FGF1: variants seen among roughly 807,000 people sequenced by gnomAD.
The protein encoded by FGF1 is beta-endothelial cell growth factor.
Under a neutral mutation model 13.4 loss-of-function variants are expected in FGF1, and 9 were observed. That is an observed-to-expected ratio of 0.67 (90% CI 0.40 to 1.17). The LOEUF is 1.17. FGF1 is among the 50% of genes most tolerant of loss of function. The pLI, the probability that FGF1 is intolerant of heterozygous loss-of-function variation, is 0.01. For synonymous variants in FGF1, 93 were observed against 79.0 expected, an observed-to-expected ratio of 1.18 and a Z score of -0.94; for missense variants, 156 against 192.7, an observed-to-expected ratio of 0.81 and a Z score of 1.13.
At chr5:142,611,472 T>G (rs555012657) in intron 2 of FGF1, among the ~76,000 whole-genome samples, 2 of 152,338 alleles carry the variant, frequency 1.3e-5, no homozygotes, top group Non-Finnish European at 2.9e-5. Context: ...AGGAAAGGAC[T>G]GGAAGCGTCC....
intron 2 of FGF1, among the ~76,000 whole-genome samples, chr5:142,606,348 A>G (rs1191531412): frequency 1.3e-5 from 2 of 151,810 alleles, no homozygotes; most frequent in African/African-American, 4.8e-5. Context: ...CCTTGATGAA[A>G]ATCATATTAA....
intron 2 of FGF1, among the ~76,000 whole-genome samples, chr5:142,604,096 C>T (rs1757142021): frequency 6.6e-6 from 1 of 152,062 alleles, no homozygotes; most frequent in African/African-American, 2.4e-5. Flanking sequence ...TTCAGGGTAT[C>T]CAGGGCCAGG....
intron 1 of FGF1, among the ~76,000 whole-genome samples, chr5:142,623,769 G>A (rs1762026717): frequency 6.7e-6 from 1 of 148,220 alleles, no homozygotes; most frequent in African/African-American, 2.5e-5. Context: ...TTTGAGATAG[G>A]GTCTTGCTCT....
intron 1 of FGF1, among the ~76,000 whole-genome samples, chr5:142,664,355 C>T (rs567584677): frequency 5.3e-5 from 8 of 152,274 alleles, no homozygotes; most frequent in African/African-American, 1.9e-4. Flanking sequence ...TCCCTAGCGC[C>T]GTGTCACTGG....
intron 2 of FGF1, 77 bp from the exon 3 acceptor site, chr5:142,600,882 G>A (rs1469419759): frequency 2.2e-5 from 23 of 1,049,294 alleles, no homozygotes; most frequent in Non-Finnish European, 3.2e-5. Context: ...CAGGACAGTT[G>A]GCCATGGAAA....
chr5:142,628,504 C>T (rs902525157), intron 1 of FGF1, among the ~76,000 whole-genome samples: 16 of 152,174 alleles, frequency 1.1e-4, no homozygotes, highest in Admixed American at 2.0e-4. Flanking sequence ...AGCAAGACTC[C>T]GTCTCAAAAT....
chr5:142,599,247 C>T (rs1156451853), intron 3 of FGF1, among the ~76,000 whole-genome samples: 1 of 152,204 alleles, frequency 6.6e-6, no homozygotes, highest in Non-Finnish European at 1.5e-5. Context: ...TTAAAAAAAT[C>T]CCCTACTGCC....
intron 1 of FGF1, among the ~76,000 whole-genome samples, chr5:142,666,591 T>A (rs1415955615): frequency 6.6e-6 from 1 of 152,102 alleles, no homozygotes; most frequent in Non-Finnish European, 1.5e-5. Flanking sequence ...CAAAGTGGCA[T>A]ATAAAGATGT....
chr5:142,647,576 C>G (rs1362002481), intron 1 of FGF1, among the ~76,000 whole-genome samples: 1 of 152,204 alleles, frequency 6.6e-6, no homozygotes, highest in African/African-American at 2.4e-5. Context: ...CCACTCCACT[C>G]CTACCTGTTT....
At position 142,594,647 on chromosome 5, in the gene FGF1, C is replaced by A. The variant is rs1341331021; in HGVS notation, c.*643G>T. On this transcript the variant is annotated 3_prime_UTR_variant, in exon 4 of 4. Transcript: ENST00000337706. ...GGAAGGTCAAGGCGTGGTAATGACT[C>A]CCAAGGATTTATTCTGCCTTCCTGC... The A allele has an allele frequency of 6.6e-6, 1 of 152,274 alleles. No homozygotes were observed. The highest frequency in any genetic ancestry group is 2.4e-5 in the African/African-American group (1 of 41,440). 9.4% of individuals were successfully genotyped at this position (152,274 alleles called of 1,614,324 possible). A position where few individuals can be genotyped will look rare whatever the true frequency, so the allele number is the denominator to read the frequency against.
At chr5:142,629,582 C>A (rs2151922026) in intron 1 of FGF1, among the ~76,000 whole-genome samples, 1 of 152,274 alleles carries the variant, frequency 6.6e-6, no homozygotes, top group South Asian at 2.1e-4. Flanking sequence ...CTATCTCAGA[C>A]TGAAACATGT....
At chr5:142,673,767 C>T (rs1315896050) in intron 1 of FGF1, among the ~76,000 whole-genome samples, 1 of 152,164 alleles carries the variant, frequency 6.6e-6, no homozygotes, top group East Asian at 1.9e-4. Context: ...ACTCAGGGGT[C>T]CACCTTCTTT....
chr5:142,655,747 A>C (rs1056660418), intron 1 of FGF1, among the ~76,000 whole-genome samples: 1 of 152,252 alleles, frequency 6.6e-6, no homozygotes, highest in East Asian at 1.9e-4. Flanking sequence ...ACAGCAGAAG[A>C]AGCTGAAGGA....
At position 142,592,677 on chromosome 5, in the gene FGF1, G is replaced by C; in HGVS notation, c.*2613C>G. 2 of 382,182 alleles carry C rather than the reference G, an allele frequency of 5.2e-6. No individual in the cohort carries two copies. The highest frequency in any genetic ancestry group is 9.3e-6 in the Non-Finnish European group (2 of 216,030). The allele number at this position is 382,182 out of a possible 1,614,324, so 23.7% of individuals were successfully genotyped here. A position where few individuals can be genotyped will look rare whatever the true frequency, so the allele number is the denominator to read the frequency against. On this transcript the variant is annotated 3_prime_UTR_variant, in exon 4 of 4. Transcript: ENST00000337706. Reference sequence around the variant, plus strand: ...GGAACTACCAACCTCTTCCTTCTAAGAAGATCTGACAGGCTCTTTGGCTGA... The same window carrying C: ...GGAACTACCAACCTCTTCCTTCTAACAAGATCTGACAGGCTCTTTGGCTGA...
intron 1 of FGF1, among the ~76,000 whole-genome samples, chr5:142,614,530 C>T (rs1759791889): frequency 1.3e-5 from 2 of 152,180 alleles, no homozygotes; most frequent in South Asian, 4.1e-4. Flanking sequence ...TAAAATAACA[C>T]CTAGGGTCTG....
Position 142,592,328 on chromosome 5 carries a change from T to C in FGF1, c.*2962A>G. On this transcript the variant is annotated 3_prime_UTR_variant, in exon 4 of 4. Coordinates refer to ENST00000337706, the MANE Select transcript of FGF1 (RefSeq NM_000800.5). ...CAGCAGTACACTCAAGGCTGAGGACTTGGCGCCTTGGGTTCCTTTGCCTCT... is the reference window on the plus strand; with the variant it reads ...CAGCAGTACACTCAAGGCTGAGGACCTGGCGCCTTGGGTTCCTTTGCCTCT... The C allele has an allele frequency of 2.5e-6, 1 of 398,604 alleles. No individual in the cohort carries two copies. Among genetic ancestry groups the C allele is most frequent in the Non-Finnish European group, 4.4e-6 (1 of 226,018 alleles). The allele number at this position is 398,604 out of a possible 1,614,324, so 24.7% of individuals were successfully genotyped here.
At chr5:142,633,898 C>A (rs1763789656) in intron 1 of FGF1, among the ~76,000 whole-genome samples, 1 of 152,106 alleles carries the variant, frequency 6.6e-6, no homozygotes, top group South Asian at 2.1e-4. Flanking sequence ...ATCAAGACCT[C>A]CCTCGGCTGG....
rs535107343 is a variant in FGF1 at position 142,694,183 on chromosome 5, C to A, written c.-35+3439G>T. Among the ~76,000 whole-genome samples, 3 of 151,626 alleles carry A rather than the reference C, an allele frequency of 2.0e-5. No homozygotes were observed. The South Asian group carries it at 6.3e-4, about 32-fold the overall frequency. On this transcript the variant is annotated intron_variant, in intron 2 of 4. Transcript: ENST00000407758. ...TATATGTATTCCCCCCCACCCTGCC[C>A]ACCATCATAACCTCATGGAGAACCA...
In FGF1 at chr5:142,595,206, A is replaced by G. The variant is rs1754997810; in HGVS notation, c.*84T>C. 6 of 1,166,790 alleles carry G rather than the reference A, an allele frequency of 5.1e-6. No homozygotes were observed. The South Asian group carries it at 5.9e-5, about 11-fold the overall frequency. 72.3% of individuals were successfully genotyped at this position (1,166,790 alleles called of 1,614,324 possible). On this transcript the variant is annotated 3_prime_UTR_variant, in exon 4 of 4. Transcript: ENST00000337706. Reference sequence around the variant, plus strand: ...TGTGGGCTGGGGGTTAGCGCAGCCAATGGTCAAGGGAACATTTTTGGGTCA... The same window carrying G: ...TGTGGGCTGGGGGTTAGCGCAGCCAGTGGTCAAGGGAACATTTTTGGGTCA...
Sources: allele counts gnomAD v4.1 joint callset (sites outside exome capture counted in the v4.1 genomes callset), GRCh38; gene constraint gnomAD v4.1.1; transcripts MANE v1.5; gene names NCBI Gene and HGNC (gene_info 2026-07-23, HGNC 2026-07-21).